CPQ: variants seen among roughly 807,000 people sequenced by gnomAD.
CPQ encodes the protein Ser-Met dipeptidase.
CPQ carries 37 observed loss-of-function variants against 45.7 expected under a neutral mutation model. The ratio of observed to expected loss-of-function variants is 0.81; its 90% CI spans 0.62 to 1.07. CPQ has a LOEUF of 1.07. CPQ is among the 50% of genes least tolerant of loss of function. The pLI is 0.00. For missense variants in CPQ, 537 were observed against 572.9 expected (o/e 0.94, Z 0.64); for synonymous variants, 186 against 205.8 (o/e 0.90, Z 0.82).
chr8:97,086,103 T>C (rs528329069), intron 7 of CPQ, among the ~76,000 whole-genome samples: 10 of 152,292 alleles, frequency 6.6e-5, no homozygotes, highest in Admixed American at 5.2e-4. Flanking sequence ...CTCAAGGATA[T>C]GGGAAGGGAG....
chr8:97,039,291 A>G (rs1563562051), intron 6 of CPQ, among the ~76,000 whole-genome samples: 1 of 152,346 alleles, frequency 6.6e-6, no homozygotes, highest in East Asian at 1.9e-4. Context: ...TATCTATTTT[A>G]AATGTTTACA....
At chr8:97,004,966 T>A (rs1373018054) in intron 5 of CPQ, among the ~76,000 whole-genome samples, 7 of 152,102 alleles carry the variant, frequency 4.6e-5, no homozygotes, top group East Asian at 3.9e-4. Context: ...GGAAAGAAAA[T>A]TTTTTTATGA....
intron 1 of CPQ, among the ~76,000 whole-genome samples, chr8:96,736,302 A>G (rs1382867308): frequency 6.6e-6 from 1 of 152,212 alleles, no homozygotes; most frequent in Non-Finnish European, 1.5e-5. Context: ...AGGGCTCAGT[A>G]GTATTCCAAG....
intron 5 of CPQ, among the ~76,000 whole-genome samples, chr8:96,980,393 A>G (rs1465347380): frequency 4.6e-5 from 7 of 152,166 alleles, no homozygotes; most frequent in Non-Finnish European, 8.8e-5. Flanking sequence ...TCGGCCTCCC[A>G]AAGTGCTGGG....
chr8:96,888,123 A>T (rs754996178), intron 4 of CPQ, among the ~76,000 whole-genome samples: 52 of 152,302 alleles, frequency 3.4e-4, no homozygotes, highest in Non-Finnish European at 6.5e-4. Flanking sequence ...ATTCTTGGCC[A>T]CTAACCACTA....
intron 1 of CPQ, among the ~76,000 whole-genome samples, chr8:96,739,862 T>C (rs1298035444): frequency 6.6e-6 from 1 of 152,054 alleles, no homozygotes. Flanking sequence ...TTGGTTACTG[T>C]AGCCTAGTAG....
At chr8:96,783,984 T>C (rs1810724363) in intron 1 of CPQ, among the ~76,000 whole-genome samples, 2 of 152,136 alleles carry the variant, frequency 1.3e-5, no homozygotes, top group South Asian at 4.1e-4. Flanking sequence ...GCATGGACTC[T>C]AGAGCTAGAA....
At chr8:96,908,746 C>CGT (rs1273440463) in intron 4 of CPQ, among the ~76,000 whole-genome samples, 68 of 83,958 alleles carry the variant, frequency 8.1e-4, no homozygotes, top group African/African-American at 3.0e-3. Flanking sequence ...TATACACATG[C>CGT]GCACACACAC....
chr8:96,799,564 G>A (rs755185569), intron 2 of CPQ, among the ~76,000 whole-genome samples: 14 of 152,190 alleles, frequency 9.2e-5, no homozygotes, highest in Non-Finnish European at 1.9e-4. Flanking sequence ...GGCGGTATGG[G>A]ATCAGTTGAC....
At chr8:96,680,037 T>C (rs113028193) in intron 1 of CPQ, among the ~76,000 whole-genome samples, 3,684 of 152,270 alleles carry the variant, frequency 0.024, 165 homozygotes, top group African/African-American at 0.084. Flanking sequence ...TTCTACTTTT[T>C]TGAGGTAAGC....
chr8:97,034,334 G>A (rs1354684742), intron 6 of CPQ, among the ~76,000 whole-genome samples: 1 of 152,046 alleles, frequency 6.6e-6, no homozygotes, highest in Non-Finnish European at 1.5e-5. Flanking sequence ...AGTTCATAGC[G>A]GAAAGTCCCA....
intron 1 of CPQ, among the ~76,000 whole-genome samples, chr8:96,697,061 T>C (rs1809394494): frequency 6.6e-6 from 1 of 152,064 alleles, no homozygotes; most frequent in Non-Finnish European, 1.5e-5. Flanking sequence ...CAATGACACA[T>C]TGAAAGACAA....
intron 3 of CPQ, 117 bp downstream of exon 3, chr8:96,835,297 T>TC (rs945074335): frequency 3.4e-5 from 27 of 792,590 alleles, no homozygotes; most frequent in African/African-American, 3.6e-5. Context: ...TCATGGAGTT[T>TC]CCCCCCCAAA....
chr8:96,663,636 G>A (rs1160009763), intron 1 of CPQ, among the ~76,000 whole-genome samples: 1 of 152,198 alleles, frequency 6.6e-6, no homozygotes, highest in Non-Finnish European at 1.5e-5. Flanking sequence ...AATTATAAAA[G>A]TGATTGCAGT....
intron 4 of CPQ, among the ~76,000 whole-genome samples, chr8:96,930,416 A>T (rs548916389): frequency 6.6e-6 from 1 of 152,332 alleles, no homozygotes; most frequent in Admixed American, 6.5e-5. Flanking sequence ...AGTCCACAGA[A>T]TTGCTGTCTC....
intron 1 of CPQ, among the ~76,000 whole-genome samples, chr8:96,686,153 AATG>A (rs1342923072): frequency 6.6e-6 from 1 of 152,046 alleles, no homozygotes; most frequent in South Asian, 2.1e-4. Context: ...GTTTCCAAAT[AATG>A]ATATTTTAGT....
chr8:96,646,664 A>G (rs1052033163), intron 1 of CPQ, among the ~76,000 whole-genome samples: 4 of 152,204 alleles, frequency 2.6e-5, no homozygotes, highest in African/African-American at 9.7e-5. Flanking sequence ...TGGACTTGCC[A>G]CTTGATCTCT....
At chr8:97,057,297 A>G (rs1810470765) in intron 6 of CPQ, among the ~76,000 whole-genome samples, 2 of 152,198 alleles carry the variant, frequency 1.3e-5, no homozygotes, top group African/African-American at 2.4e-5. Flanking sequence ...TTAATTGAGG[A>G]TCAATATGTA....
chr8:96,788,557 T>C (rs1810806455), intron 2 of CPQ, among the ~76,000 whole-genome samples: 1 of 152,102 alleles, frequency 6.6e-6, no homozygotes, highest in Admixed American at 6.6e-5. Context: ...CAAGGTTTTC[T>C]TTTTCTTTTG....
Sources: gnomAD v4.1 joint callset for allele counts (sites outside exome capture counted in the v4.1 genomes callset) on GRCh38, gnomAD v4.1.1 for gene constraint, MANE v1.5 for transcripts, NCBI Gene and HGNC (gene_info 2026-07-23, HGNC 2026-07-21) for gene names.